The following NEO1 variants were observed in gnomAD, a reference collection of about 807,000 sequenced individuals.
NEO1 encodes the protein neogenin.
In NEO1, 63 loss-of-function variants were observed where a neutral mutation model predicts 159.7. The observed-to-expected ratio is 0.39, with a 90% CI of 0.32 to 0.49. NEO1 has a LOEUF of 0.49. Ranked by LOEUF, NEO1 falls within the 20% of genes least tolerant of loss-of-function variation. The pLI is 0.85. For synonymous variants in NEO1, 633 were observed against 662.0 expected, an observed-to-expected ratio of 0.96 and a Z score of 0.67; for missense variants, 1,615 against 1,831.0, an observed-to-expected ratio of 0.88 and a Z score of 2.15.
At chr15:73,286,191 T>C (rs1359556398) in intron 23 of NEO1, among the ~76,000 whole-genome samples, 1 of 149,918 alleles carries the variant, frequency 6.7e-6, no homozygotes, top group Non-Finnish European at 1.5e-5. Context: ...TACCCATGCA[T>C]CAGCCCTTTC....
intron 5 of NEO1, among the ~76,000 whole-genome samples, chr15:73,172,611 C>T (rs1216880395): frequency 6.6e-6 from 1 of 152,186 alleles, no homozygotes; most frequent in Non-Finnish European, 1.5e-5. Flanking sequence ...TTTACAACTG[C>T]TTCACAGTAA....
intron 7 of NEO1, among the ~76,000 whole-genome samples, chr15:73,210,222 C>T (rs769080706): frequency 3.9e-5 from 6 of 152,114 alleles, no homozygotes; most frequent in Non-Finnish European, 8.8e-5. Context: ...GAATATGGTG[C>T]CCACTTACCA....
chr15:73,258,768 C>T lies in NEO1; in HGVS notation c.2095C>T (p.Leu699Phe), dbSNP rs1467809504. ...TCTTCTTTGTCATTTGGTCTCAGGT[C>T]TTGATCGGGGGACTGAGTATAATTT... ...GTQLSQLIEG[L>F]DRGTEYNFRV... The change falls in exon 14 of 29, where the codon CTT (leucine) becomes TTT (phenylalanine). Residue 699 changes from leucine to phenylalanine, a missense_variant and splice_region_variant. Coordinates refer to ENST00000261908, the MANE Select transcript of NEO1 (RefSeq NM_002499.4). The T allele has an allele frequency of 8.1e-6, 13 of 1,613,344 alleles. No individual in the cohort carries two copies. In the South Asian group the frequency reaches 1.2e-4, roughly 15 times the overall value.
chr15:73,141,442 A>G (rs2032377224), intron 5 of NEO1, among the ~76,000 whole-genome samples: 1 of 152,226 alleles, frequency 6.6e-6, no homozygotes, highest in Admixed American at 6.5e-5. Context: ...ATTGTTGATA[A>G]CACTTAAAAT....
At chr15:73,108,958 G>A (rs986981676) in intron 1 of NEO1, among the ~76,000 whole-genome samples, 1 of 152,112 alleles carries the variant, frequency 6.6e-6, no homozygotes. Context: ...AGGAGATTAG[G>A]TTGGAGAGAG....
intron 9 of NEO1, among the ~76,000 whole-genome samples, chr15:73,246,980 A>C (rs117735424): frequency 2.0e-5 from 3 of 152,210 alleles, no homozygotes; most frequent in African/African-American, 7.2e-5. Context: ...GTCCACAAGG[A>C]GCTTACGGTC....
chr15:73,137,980 G>A (rs1397674899), intron 5 of NEO1, among the ~76,000 whole-genome samples: 1 of 152,080 alleles, frequency 6.6e-6, no homozygotes, highest in African/African-American at 2.4e-5. Flanking sequence ...GAAAGGAAGA[G>A]GGAAATATTT....
chr15:73,071,664 C>G (rs2068538692), intron 1 of NEO1, among the ~76,000 whole-genome samples: 1 of 151,946 alleles, frequency 6.6e-6, no homozygotes, highest in Admixed American at 6.5e-5. Context: ...ATGGCTGGGA[C>G]TACCATGCTT....
chr15:73,134,478 T>C (rs1209855075), intron 4 of NEO1, among the ~76,000 whole-genome samples: 2 of 152,208 alleles, frequency 1.3e-5, no homozygotes, highest in Non-Finnish European at 2.9e-5. Context: ...ACTTTATTTA[T>C]TTAGAATGAG....
chr15:73,240,947 C>T (rs938333362), intron 8 of NEO1, among the ~76,000 whole-genome samples: 1 of 152,130 alleles, frequency 6.6e-6, no homozygotes, highest in African/African-American at 2.4e-5. Context: ...TAAATTTTCT[C>T]ATCTAAAAAA....
rs972228057 is a variant in NEO1 at position 73,134,968 on chromosome 15, G to A, written c.879-923G>A. On this transcript the variant is annotated intron_variant, in intron 4 of 28. Transcript: ENST00000261908. The stretch of plus-strand genomic sequence containing the variant: ...AGATGTGGAACTTCAAAATAAAAAT[G>A]TATGTATACATTTATTATTGTGTTT... Among the ~76,000 whole-genome samples, 27 of 152,256 alleles carry A rather than the reference G, an allele frequency of 1.8e-4. 1 individual carries two copies. In the East Asian group the frequency reaches 5.2e-3, roughly 29 times the overall value.
rs3817375 is a variant in NEO1, at chr15:73,258,998, C to T, written c.2203+122C>T. On this transcript the variant is annotated intron_variant, in intron 14 of 28. Coordinates refer to ENST00000261908, the MANE Select transcript of NEO1 (RefSeq NM_002499.4). ...CAAGTCTGTGAACTTTAGTGCATCA[C>T]GCTGCTGTTGTTCCTGTATTGCATC... The T allele has an allele frequency of 4.9e-4, 372 of 753,246 alleles. 2 individuals carry two copies. In the East Asian group the frequency reaches 8.9e-3, roughly 18 times the overall value. 46.7% of individuals were successfully genotyped at this position (753,246 alleles called of 1,614,324 possible).
chr15:73,217,965 T>G (rs528981582), intron 7 of NEO1, among the ~76,000 whole-genome samples: 7 of 151,988 alleles, frequency 4.6e-5, no homozygotes, highest in African/African-American at 1.7e-4. Context: ...AACACTATGT[T>G]GAATAGGAGT....
intron 4 of NEO1, among the ~76,000 whole-genome samples, chr15:73,133,081 G>A (rs2031331182): frequency 6.6e-6 from 1 of 152,086 alleles, no homozygotes; most frequent in Non-Finnish European, 1.5e-5. Flanking sequence ...ACTTGCACAT[G>A]CATGTTTATA....
intron 7 of NEO1, among the ~76,000 whole-genome samples, chr15:73,206,865 GT>G (rs1567480581): frequency 6.6e-6 from 1 of 151,560 alleles, no homozygotes; most frequent in Non-Finnish European, 1.5e-5. Context: ...GTGTGTGTGT[GT>G]TTAGAGAGAC....
chr15:73,084,372 G>A (rs1249971968), intron 1 of NEO1, among the ~76,000 whole-genome samples: 1 of 152,042 alleles, frequency 6.6e-6, no homozygotes, highest in East Asian at 1.9e-4. Flanking sequence ...TACATTTTTA[G>A]ATTACACATT....
chr15:73,095,875 T>C (rs2069996278), intron 1 of NEO1, among the ~76,000 whole-genome samples: 1 of 152,190 alleles, frequency 6.6e-6, no homozygotes, highest in Non-Finnish European at 1.5e-5. Flanking sequence ...GATGCCTGAA[T>C]AGGATCTAGT....
intron 3 of NEO1, 92 bp from the exon 4 acceptor site, chr15:73,126,325 C>A: frequency 8.2e-7 from 1 of 1,212,450 alleles, no homozygotes; most frequent in Non-Finnish European, 1.1e-6. Flanking sequence ...CCTCCTCGGC[C>A]TCCCAAAGTA....
rs1595809269 is a variant in NEO1, at chr15:73,303,144, G to A, written c.*448G>A. On this transcript the variant is annotated 3_prime_UTR_variant, in exon 29 of 29. Transcript: ENST00000261908. The stretch of plus-strand genomic sequence containing the variant: ...CCATCCAAAACCAAGGAAGTCCTTG[G>A]TGTTCTCCACAAGTGGTTGACATTT... The A allele has an allele frequency of 6.3e-6, 1 of 158,852 alleles. No homozygotes were observed. The highest frequency in any genetic ancestry group is 1.8e-4 in the East Asian group (1 of 5,608). The allele number at this position is 158,852 out of a possible 1,614,324, so 9.8% of individuals were successfully genotyped here.
Sources: allele counts gnomAD v4.1 joint callset (sites outside exome capture counted in the v4.1 genomes callset), GRCh38; gene constraint gnomAD v4.1.1; transcripts MANE v1.5; gene names NCBI Gene and HGNC (gene_info 2026-07-23, HGNC 2026-07-21).